NFAT5: variants seen among roughly 807,000 people sequenced by gnomAD.
The protein encoded by NFAT5 is nuclear factor of activated T cells 5, also known as nuclear factor of activated T-cells 5.
A neutral mutation model predicts 166.5 loss-of-function variants in NFAT5; 31 were observed. The observed-to-expected ratio is 0.19, with a 90% CI of 0.14 to 0.25. The LOEUF (loss-of-function observed/expected upper bound fraction) is 0.25, where lower values mean the gene tolerates loss of function less well. Among genes scored for constraint, NFAT5 ranks in the 10% least tolerant of loss-of-function variants. The pLI is 1.00. For missense variants in NFAT5, 1,449 were observed against 1,821.8 expected (o/e 0.80, Z 3.72); for synonymous variants, 612 against 639.7 (o/e 0.96, Z 0.65).
chr16:69,634,593 A>C (rs181391054), intron 3 of NFAT5, among the ~76,000 whole-genome samples: 1 of 152,200 alleles, frequency 6.6e-6, no homozygotes, highest in Admixed American at 6.5e-5. Flanking sequence ...TATTCTTCCC[A>C]TATAATTACA....
At chr16:69,578,585 C>T (rs2031455609) in intron 2 of NFAT5, among the ~76,000 whole-genome samples, 1 of 152,130 alleles carries the variant, frequency 6.6e-6, no homozygotes, top group African/African-American at 2.4e-5. Flanking sequence ...TTAAGTGTGT[C>T]TTATGACAGT....
chr16:69,669,124 G>A (rs1042204083), intron 7 of NFAT5, among the ~76,000 whole-genome samples: 1 of 152,012 alleles, frequency 6.6e-6, no homozygotes, highest in Non-Finnish European at 1.5e-5. Flanking sequence ...TGAACTCCTG[G>A]GCTCAAGTGA....
Position 69,692,896 on chromosome 16 carries a change from AGACCAT to A in NFAT5, c.3073_3078del (p.Thr1025_Met1026del). 6.2e-7 allele frequency: 1 copy of A among 1,614,250 alleles called. No individual in the cohort carries two copies. The highest frequency in any genetic ancestry group is 8.5e-7 in the Non-Finnish European group (1 of 1,180,046). On this transcript the variant is annotated inframe_deletion, in exon 13 of 15. Transcript: ENST00000349945. ...AAACAGATTCAGAACAGTGTCTTTCAGACCATGGTCCAAATGCAACATAGTGGGGAC... is the reference window on the plus strand; with the variant it reads ...AAACAGATTCAGAACAGTGTCTTTCAGGTCCAAATGCAACATAGTGGGGAC...
At chr16:69,569,942 T>A (rs904509383) in intron 2 of NFAT5, among the ~76,000 whole-genome samples, 7 of 152,202 alleles carry the variant, frequency 4.6e-5, no homozygotes, top group Non-Finnish European at 8.8e-5. Flanking sequence ...ATTCAATTTG[T>A]GACCATGTTG....
rs142302772 is a variant in NFAT5 at position 69,649,060 on chromosome 16, A to G, written c.812+1474A>G. On this transcript the variant is annotated intron_variant, in intron 4 of 14. Coordinates refer to ENST00000349945, the MANE Select transcript of NFAT5 (RefSeq NM_138713.4). ...TAAATTACCTAAAAGAAAATAAGAT[A>G]TACTCTTTCCTAAAATGTTGCCATT... 56 of 859,530 alleles carry G rather than the reference A, an allele frequency of 6.5e-5. No homozygotes were observed. The African/African-American group carries it at 9.3e-4, about 14-fold the overall frequency. 53.2% of individuals were successfully genotyped at this position (859,530 alleles called of 1,614,324 possible). A position where few individuals can be genotyped will look rare whatever the true frequency, so the allele number is the denominator to read the frequency against.
At chr16:69,646,096 C>T (rs1312317577) in intron 3 of NFAT5, among the ~76,000 whole-genome samples, 1 of 152,130 alleles carries the variant, frequency 6.6e-6, no homozygotes, top group Non-Finnish European at 1.5e-5. Context: ...TTGGAAAATT[C>T]CCTTACTAGT....
At position 69,691,964 on chromosome 16, in the gene NFAT5, T is replaced by C. The variant is rs1347533492; in HGVS notation, c.2139T>C (p.Ser713=). Residue 713 remains serine, a synonymous_variant, in exon 13 of 15, where the codon TCT becomes TCC. Coordinates refer to ENST00000349945, the MANE Select transcript of NFAT5 (RefSeq NM_138713.4). ...GTACTTTTCCAGCAGTTTCTGCTTCTAGTCAGCTGCCCAACAGCGATGCAC... is the reference window on the plus strand; with the variant it reads ...GTACTTTTCCAGCAGTTTCTGCTTCCAGTCAGCTGCCCAACAGCGATGCAC... ...QPGTFPAVSA[S]SQLPNSDALL... 5 of 1,614,210 alleles carry C rather than the reference T, an allele frequency of 3.1e-6. No homozygotes were observed. In the South Asian group the frequency reaches 5.5e-5, roughly 18 times the overall value.
At chr16:69,631,501 A>T (rs952844113) in intron 3 of NFAT5, among the ~76,000 whole-genome samples, 1 of 152,174 alleles carries the variant, frequency 6.6e-6, no homozygotes, top group Non-Finnish European at 1.5e-5. Context: ...GAGAATCTTA[A>T]TAATGCATTA....
intron 2 of NFAT5, among the ~76,000 whole-genome samples, chr16:69,576,274 AGAGT>A (rs1407361500): frequency 6.7e-6 from 1 of 148,356 alleles, no homozygotes; most frequent in Non-Finnish European, 1.5e-5. Flanking sequence ...CCTGGGCGAC[AGAGT>A]GAGACTCGGT....
At chr16:69,589,982 C>T (rs374838184) in intron 2 of NFAT5, among the ~76,000 whole-genome samples, 7 of 152,082 alleles carry the variant, frequency 4.6e-5, no homozygotes, top group African/African-American at 1.7e-4. Context: ...CATAGCAAGA[C>T]CAACCCCCCT....
chr16:69,670,016 T>C lies in NFAT5; in HGVS notation c.1409T>C (p.Leu470Ser), dbSNP rs768550801. 5 of 1,611,650 alleles carry C rather than the reference T, an allele frequency of 3.1e-6. No homozygotes were observed. In the South Asian group the frequency reaches 3.3e-5, roughly 11 times the overall value. ...AGVPEILKKS[L>S]HSCSVKGEEE... ...GTGCCAGAAATCTTAAAGAAAAGCT[T>C]GCATAGCTGTTCAGTGAAAGGAGAA... is the stretch of plus-strand genomic sequence containing the variant. The change falls in exon 8 of 15, where the codon TTG becomes TCG. Residue 470 changes from leucine to serine, a missense_variant. Physicochemically the swap from Leu to Ser is moderately radical, Grantham distance 145. Coordinates refer to ENST00000349945, the MANE Select transcript of NFAT5 (RefSeq NM_138713.4).
chr16:69,641,387 T>G (rs991190088), intron 3 of NFAT5, among the ~76,000 whole-genome samples: 2 of 152,128 alleles, frequency 1.3e-5, no homozygotes, highest in Non-Finnish European at 2.9e-5. Flanking sequence ...ATTTGTTCAC[T>G]TAGCACTCTT....
At chr16:69,653,189 A>T (rs757175194) in intron 4 of NFAT5, 47 bp from the exon 5 acceptor site, 14 of 1,359,904 alleles carry the variant, frequency 1.0e-5, no homozygotes, top group Middle Eastern at 1.9e-4. Context: ...TTTTTTATCA[A>T]AAAACTCTTT....
At chr16:69,650,888 A>G (rs559165923) in intron 4 of NFAT5, among the ~76,000 whole-genome samples, 12 of 152,352 alleles carry the variant, frequency 7.9e-5, no homozygotes, top group Admixed American at 5.2e-4. Flanking sequence ...ACAGAATATC[A>G]TAGACTTTCA....
At chr16:69,637,990 G>A (rs1200172378) in intron 3 of NFAT5, among the ~76,000 whole-genome samples, 1 of 152,098 alleles carries the variant, frequency 6.6e-6, no homozygotes, top group Admixed American at 6.5e-5. Flanking sequence ...GGAGGCTGAG[G>A]CTGGCGGATC....
chr16:69,644,335 A>G (rs1408381385), intron 3 of NFAT5, among the ~76,000 whole-genome samples: 1 of 152,182 alleles, frequency 6.6e-6, no homozygotes, highest in East Asian at 1.9e-4. Flanking sequence ...CATTTGTCTT[A>G]AAATGAGTAG....
rs2034700081 is a variant in NFAT5, at chr16:69,631,196, G to T, written c.253+4668G>T. ...GCCTGTAATCCCAGCACTTTGGGAG[G>T]CCGAGGTGGGTGGATCATGAGGTCA... On this transcript the variant is annotated intron_variant, in intron 3 of 14. Coordinates refer to ENST00000349945, the MANE Select transcript of NFAT5 (RefSeq NM_138713.4). Among the ~76,000 whole-genome samples the T allele has an allele frequency of 2.6e-5, 4 of 152,194 alleles. No homozygotes were observed. In the South Asian group the frequency reaches 8.3e-4, roughly 31 times the overall value.
intron 7 of NFAT5, among the ~76,000 whole-genome samples, chr16:69,661,539 T>TAAAA (rs1037382239): frequency 0.028 from 1,057 of 37,930 alleles, 56 homozygotes; most frequent in Non-Finnish European, 0.038. Flanking sequence ...CCCAGTCTCT[T>TAAAA]AAAAAAAAAA....
intron 2 of NFAT5, among the ~76,000 whole-genome samples, chr16:69,610,120 G>C (rs1021438822): frequency 6.6e-5 from 10 of 152,120 alleles, no homozygotes; most frequent in Non-Finnish European, 1.5e-4. Flanking sequence ...ACTTTTTAAG[G>C]CTTTAAAAAT....
Sources: allele counts gnomAD v4.1 joint callset (sites outside exome capture counted in the v4.1 genomes callset), GRCh38; gene constraint gnomAD v4.1.1; transcripts MANE v1.5; gene names NCBI Gene and HGNC (gene_info 2026-07-23, HGNC 2026-07-21).